The following KIF1B variants were observed in gnomAD, a reference collection of about 807,000 sequenced individuals.
The protein encoded by KIF1B is kinesin-like protein KIF1B.
A neutral mutation model predicts 241.9 loss-of-function variants in KIF1B; 76 were observed. The ratio of observed to expected loss-of-function variants is 0.31; its 90% CI spans 0.26 to 0.38. KIF1B has a LOEUF of 0.38. Among genes scored for constraint, KIF1B ranks in the 10% least tolerant of loss-of-function variants. The probability of loss-of-function intolerance (pLI) is 1.00; values close to 1 mark genes in which losing one functional copy is unlikely to be tolerated. For synonymous variants in KIF1B, 750 were observed against 796.7 expected, an observed-to-expected ratio of 0.94 and a Z score of 0.99; for missense variants, 1,622 against 2,271.4, an observed-to-expected ratio of 0.71 and a Z score of 5.81.
chr1:10,213,450 C>T (rs1470630049), intron 1 of KIF1B, among the ~76,000 whole-genome samples: 1 of 152,110 alleles, frequency 6.6e-6, no homozygotes, highest in Non-Finnish European at 1.5e-5. Flanking sequence ...AGAAAGTCTG[C>T]CAACGGAGTC....
chr1:10,309,767 A>G (rs1161281329), intron 22 of KIF1B, among the ~76,000 whole-genome samples: 1 of 151,526 alleles, frequency 6.6e-6, no homozygotes, highest in East Asian at 1.9e-4. Context: ...ATATCTTGTC[A>G]GTGTCCTCAG....
At chr1:10,358,252 G>A (rs1426351599) in intron 38 of KIF1B, among the ~76,000 whole-genome samples, 2 of 152,100 alleles carry the variant, frequency 1.3e-5, no homozygotes, top group African/African-American at 4.8e-5. Context: ...TTTATGTTAA[G>A]TGAAAGCTTA....
chr1:10,287,112 G>A (rs1649751985), intron 15 of KIF1B, among the ~76,000 whole-genome samples: 1 of 152,188 alleles, frequency 6.6e-6, no homozygotes, highest in Non-Finnish European at 1.5e-5. Context: ...AACTTAGGGT[G>A]AACTGTTTCA....
chr1:10,348,624 A>T (rs1456500068), intron 36 of KIF1B, 25 bp from the exon 37 acceptor site: 1 of 1,597,094 alleles, frequency 6.3e-7, no homozygotes. Context: ...CTTCAGCTAA[A>T]TTGCAACCCT....
intron 38 of KIF1B, among the ~76,000 whole-genome samples, chr1:10,358,615 G>C (rs950227098): frequency 2.6e-5 from 4 of 151,450 alleles, no homozygotes; most frequent in Admixed American, 6.6e-5. Context: ...CCCGGCATGA[G>C]GAGGTTGCAG....
chr1:10,340,167 A>G (rs1652339013), intron 32 of KIF1B, among the ~76,000 whole-genome samples: 1 of 152,240 alleles, frequency 6.6e-6, no homozygotes, highest in Non-Finnish European at 1.5e-5. Flanking sequence ...GAGTTTTATT[A>G]AAGTGAATGC....
At chr1:10,271,014 T>C (rs1351730349) in intron 7 of KIF1B, among the ~76,000 whole-genome samples, 1 of 152,036 alleles carries the variant, frequency 6.6e-6, no homozygotes, top group Non-Finnish European at 1.5e-5. Flanking sequence ...AAATATGTGA[T>C]TGTTCCAGTT....
chr1:10,266,798 A>G (rs1484536176), intron 5 of KIF1B, among the ~76,000 whole-genome samples: 4 of 152,164 alleles, frequency 2.6e-5, no homozygotes, highest in Non-Finnish European at 4.4e-5. Context: ...CATTCCAGAG[A>G]TAATCTGTTT....
intron 41 of KIF1B, among the ~76,000 whole-genome samples, chr1:10,363,980 A>G (rs1311965425): frequency 2.6e-5 from 4 of 152,112 alleles, no homozygotes; most frequent in African/African-American, 9.7e-5. Flanking sequence ...AGTAGCACCT[A>G]ATTATTATAC....
chr1:10,342,492 CAG>C (rs1364424073), intron 33 of KIF1B, among the ~76,000 whole-genome samples: 1 of 152,182 alleles, frequency 6.6e-6, no homozygotes, highest in Non-Finnish European at 1.5e-5. Context: ...CTTTATGAAA[CAG>C]AAGCTCTAAG....
chr1:10,231,772 T>C (rs1201980966), intron 1 of KIF1B, among the ~76,000 whole-genome samples: 2 of 152,156 alleles, frequency 1.3e-5, no homozygotes, highest in African/African-American at 4.8e-5. Flanking sequence ...AATAAACATT[T>C]TGTGTTTTTC....
chr1:10,265,756 A>G (rs969495771), intron 5 of KIF1B, among the ~76,000 whole-genome samples: 1 of 152,070 alleles, frequency 6.6e-6, no homozygotes, highest in Admixed American at 6.5e-5. Flanking sequence ...AGGCTGAGGC[A>G]GGAGGATTGC....
At chr1:10,332,969 G>A (rs1211234560) in intron 27 of KIF1B, among the ~76,000 whole-genome samples, 1 of 151,274 alleles carries the variant, frequency 6.6e-6, no homozygotes. Context: ...ATGCCACCAT[G>A]CCCGGCTGAT....
chr1:10,371,426 T>C (rs899066487), intron 45 of KIF1B, among the ~76,000 whole-genome samples, 164 bp downstream of exon 45: 1 of 152,194 alleles, frequency 6.6e-6, no homozygotes, highest in African/African-American at 2.4e-5. Flanking sequence ...GGAGAGGTGC[T>C]AGCTACTGGC....
chr1:10,267,665 A>C (rs1273852833), intron 6 of KIF1B, 107 bp downstream of exon 6: 11 of 993,426 alleles, frequency 1.1e-5, no homozygotes, highest in Non-Finnish European at 1.6e-5. Context: ...AGTTGCTTTA[A>C]TTGTGGAGTC....
chr1:10,239,289 T>C (rs187335315), intron 2 of KIF1B, among the ~76,000 whole-genome samples: 2 of 152,364 alleles, frequency 1.3e-5, no homozygotes, highest in Admixed American at 6.5e-5. Context: ...TCTGGATCTG[T>C]ATTCCTCTAA....
At chr1:10,310,356 G>A (rs1651014372) in intron 22 of KIF1B, among the ~76,000 whole-genome samples, 1 of 151,504 alleles carries the variant, frequency 6.6e-6, no homozygotes, top group Non-Finnish European at 1.5e-5. Flanking sequence ...AAACACCTTT[G>A]ATAACCAGTG....
intron 2 of KIF1B, among the ~76,000 whole-genome samples, chr1:10,248,634 CA>C (rs1486309771): frequency 5.3e-5 from 8 of 152,142 alleles, no homozygotes; most frequent in Admixed American, 1.3e-4. Flanking sequence ...AAATGGAGAG[CA>C]AAGTTCCCAA....
rs1345744220 is a variant in KIF1B, at chr1:10,334,593, G to A, written c.2998G>A (p.Gly1000Ser). The A allele has an allele frequency of 6.2e-7, 1 of 1,614,114 alleles. No individual in the cohort carries two copies. The highest frequency in any genetic ancestry group is 1.1e-5 in the South Asian group (1 of 91,080). Residue 1000 changes from glycine to serine, a missense_variant, in exon 28 of 49, where the codon GGT becomes AGT. Transcript: ENST00000676179. ...IHRVAIVSEK[G>S]EVRGFLRVAV... ...CAGGGTGGCCATCGTCAGTGAGAAA[G>A]GTGAAGTGCGGGGATTTCTGCGTGT...
Sources: allele counts gnomAD v4.1 joint callset (sites outside exome capture counted in the v4.1 genomes callset), GRCh38; gene constraint gnomAD v4.1.1; transcripts MANE v1.5; gene names NCBI Gene and HGNC (gene_info 2026-07-23, HGNC 2026-07-21).